Variants in SPEF2 observed in about 807,000 individuals in gnomAD.
SPEF2 encodes sperm flagellar and cilia associated 2.
A neutral mutation model predicts 224.6 loss-of-function variants in SPEF2; 187 were observed. The ratio of observed to expected loss-of-function variants is 0.83; its 90% confidence interval spans 0.74 to 0.94. The LOEUF (loss-of-function observed/expected upper bound fraction) is 0.94, where lower values mean the gene tolerates loss of function less well. SPEF2 is among the 40% of genes least tolerant of loss of function. The pLI is 0.00. For missense variants in SPEF2, 2,170 were observed against 2,135.6 expected, an observed-to-expected ratio of 1.02 and a Z score of -0.32; for synonymous variants, 715 against 707.3, an observed-to-expected ratio of 1.01 and a Z score of -0.17.
chr5:35,673,265 CA>C (rs1751437782), intron 10 of SPEF2, among the ~76,000 whole-genome samples: 1 of 152,226 alleles, frequency 6.6e-6, no homozygotes, highest in African/African-American at 2.4e-5. Flanking sequence ...CACAGCCCCA[CA>C]CAGCAGCTAG....
At chr5:35,631,483 T>C (rs971184350) in intron 2 of SPEF2, among the ~76,000 whole-genome samples, 10 of 152,176 alleles carry the variant, frequency 6.6e-5, no homozygotes, top group Admixed American at 2.6e-4. Context: ...GATAAGGACA[T>C]GGAGAAATCA....
At chr5:35,723,598 T>C (rs1245249301) in intron 20 of SPEF2, among the ~76,000 whole-genome samples, 1 of 152,102 alleles carries the variant, frequency 6.6e-6, no homozygotes, top group African/African-American at 2.4e-5. Context: ...TAAATTACAA[T>C]AAAAAACATG....
chr5:35,667,268 T>A lies in SPEF2; in HGVS notation c.1355+9T>A, dbSNP rs201683999. ...CGAATGTTGACAAATAAGTAAGTAT[T>A]TTTTTTGTAATAACAGTAGAGACAC... On this transcript the variant is annotated intron_variant, in intron 9 of 36. Transcript: ENST00000356031. The A allele has an allele frequency of 6.3e-7, 1 of 1,590,082 alleles. No homozygotes were observed. Among genetic ancestry groups the A allele is most frequent in the Non-Finnish European group, 8.6e-7 (1 of 1,166,036 alleles).
chr5:35,810,002 C>A (rs953565035), intron 36 of SPEF2, among the ~76,000 whole-genome samples: 2 of 152,134 alleles, frequency 1.3e-5, no homozygotes, highest in Non-Finnish European at 2.9e-5. Flanking sequence ...TATTTCCTCT[C>A]ATACTGGAAA....
At chr5:35,630,991 G>A (rs1745028414) in intron 2 of SPEF2, among the ~76,000 whole-genome samples, 1 of 152,170 alleles carries the variant, frequency 6.6e-6, no homozygotes, top group Non-Finnish European at 1.5e-5. Flanking sequence ...ATAAGGAGAT[G>A]AATAGATGCT....
At chr5:35,748,633 A>G (rs188075433) in intron 23 of SPEF2, among the ~76,000 whole-genome samples, 1 of 152,308 alleles carries the variant, frequency 6.6e-6, no homozygotes, top group African/African-American at 2.4e-5. Context: ...GAAGAATTAG[A>G]TACCCTGAAC....
chr5:35,666,247 G>A lies in SPEF2; in HGVS notation c.1168-825G>A, dbSNP rs531152944. 8.5e-5 allele frequency among the ~76,000 whole-genome samples: 13 copies of A among 152,228 alleles called. No individual in the cohort carries two copies. The South Asian group carries it at 1.2e-3, about 15-fold the overall frequency. The stretch of plus-strand genomic sequence containing the variant: ...TCTTTTTCCTAGAGCAGGCTAGCAC[G>A]TAACTGAATTTCTCAAGAAGCTGGC... On this transcript the variant is annotated intron_variant, in intron 8 of 36. Coordinates refer to ENST00000356031, the MANE Select transcript of SPEF2 (RefSeq NM_024867.4).
intron 26 of SPEF2, 128 bp from the exon 27 acceptor site, chr5:35,771,481 T>C (rs1752848655): frequency 8.2e-7 from 1 of 1,218,590 alleles, no homozygotes; most frequent in African/African-American, 1.5e-5. Flanking sequence ...TTTGTAAAGT[T>C]CGAGTACGTG....
At position 35,765,843 on chromosome 5, in the gene SPEF2, T is replaced by G. The variant is rs1178376305; in HGVS notation, c.3801+2141T>G. On this transcript the variant is annotated intron_variant, in intron 26 of 36. Transcript: ENST00000356031. Reference sequence around the variant, plus strand: ...TTTCATATCCTGTTTACTCTAGAGGTTTTTTCATGAATTGTATTCTCAAAT... The same window carrying G: ...TTTCATATCCTGTTTACTCTAGAGGGTTTTTCATGAATTGTATTCTCAAAT... 1.3e-5 allele frequency among the ~76,000 whole-genome samples: 2 copies of G among 151,956 alleles called. 1 individual carries two copies. The highest frequency in any genetic ancestry group is 1.3e-4 in the Admixed American group (2 of 15,224).
intron 26 of SPEF2, 90 bp downstream of exon 26, chr5:35,763,792 ATG>A: frequency 7.8e-7 from 1 of 1,278,540 alleles, no homozygotes; most frequent in Non-Finnish European, 1.1e-6. Flanking sequence ...AATTGACACA[ATG>A]CTCTCAAGCA....
intron 10 of SPEF2, chr5:35,684,036 A>G (rs1291392407): frequency 6.6e-6 from 1 of 152,186 alleles, no homozygotes; most frequent in Non-Finnish European, 1.5e-5. Flanking sequence ...ATGTCTATTT[A>G]CAATACCTGA....
chr5:35,722,261 G>A (rs543192188), intron 20 of SPEF2, among the ~76,000 whole-genome samples: 1 of 152,018 alleles, frequency 6.6e-6, no homozygotes, highest in African/African-American at 2.4e-5. Context: ...CCATCCAGCT[G>A]GTCAGGACCC....
At chr5:35,762,255 A>T (rs1047463149) in intron 25 of SPEF2, among the ~76,000 whole-genome samples, 2 of 152,166 alleles carry the variant, frequency 1.3e-5, no homozygotes, top group South Asian at 4.1e-4. Context: ...CAGTAAATAA[A>T]TTCTAAATGC....
At chr5:35,752,865 C>T (rs1749868687) in intron 23 of SPEF2, among the ~76,000 whole-genome samples, 1 of 151,236 alleles carries the variant, frequency 6.6e-6, no homozygotes, top group Non-Finnish European at 1.5e-5. Context: ...GACTTATGTT[C>T]CGACACATAG....
In SPEF2 at chr5:35,647,389, G is replaced by T. The variant is rs1747537983; in HGVS notation, c.726+582G>T. ...GTTCTTTTTAACAACCAGCTCTCAT[G>T]GGAATTGATAGAGTCAGAACCCACC... is the stretch of plus-strand genomic sequence containing the variant. On this transcript the variant is annotated intron_variant, in intron 5 of 36. Transcript: ENST00000356031. 2.0e-5 allele frequency among the ~76,000 whole-genome samples: 3 copies of T among 151,974 alleles called. No individual in the cohort carries two copies. In the South Asian group the frequency reaches 6.2e-4, roughly 32 times the overall value.
chr5:35,666,579 C>T (rs1750497560), intron 8 of SPEF2, among the ~76,000 whole-genome samples: 1 of 152,144 alleles, frequency 6.6e-6, no homozygotes. Context: ...TAATCTGGGA[C>T]TTTCTAAAAT....
chr5:35,802,362 A>G lies in SPEF2; in HGVS notation c.5010+2215A>G, dbSNP rs1482145785. On this transcript the variant is annotated intron_variant, in intron 34 of 36. Coordinates refer to ENST00000356031, the MANE Select transcript of SPEF2 (RefSeq NM_024867.4). ...GGGCGGAGCACATTCACACACACAC[A>G]TTCACTGCTTCCACAAACATTTATT... Among the ~76,000 whole-genome samples, 7 of 152,188 alleles carry G rather than the reference A, an allele frequency of 4.6e-5. No homozygotes were observed. The East Asian group carries it at 1.3e-3, about 29-fold the overall frequency.
chr5:35,659,415 T>A (rs529574514), intron 8 of SPEF2, among the ~76,000 whole-genome samples: 5 of 152,306 alleles, frequency 3.3e-5, no homozygotes, highest in African/African-American at 1.2e-4. Context: ...CTTCTTTTAA[T>A]CTTGGTTCTA....
chr5:35,785,281 A>G (rs1257318044), intron 30 of SPEF2, among the ~76,000 whole-genome samples: 1 of 152,160 alleles, frequency 6.6e-6, no homozygotes, highest in Admixed American at 6.5e-5. Flanking sequence ...GCAGTAGTGG[A>G]TCTAGAAGGC....
Sources: allele counts gnomAD v4.1 joint callset (sites outside exome capture counted in the v4.1 genomes callset), GRCh38; gene constraint gnomAD v4.1.1; transcripts MANE v1.5; gene names NCBI Gene and HGNC (gene_info 2026-07-23, HGNC 2026-07-21).